Variants in ENDOD1 observed in about 807,000 individuals in gnomAD.
ENDOD1 encodes the protein endonuclease domain-containing 1 protein.
In ENDOD1, 9 loss-of-function variants were observed where a neutral mutation model predicts 6.5. The ratio of observed to expected loss-of-function variants is 1.39; its 90% CI spans 0.84 to 2.43. The LOEUF (loss-of-function observed/expected upper bound fraction) is 2.43, where lower values mean the gene tolerates loss of function less well. Among genes scored for constraint, ENDOD1 ranks in the 30% most tolerant of loss-of-function variants. ENDOD1 has a pLI of 0.00. For missense variants in ENDOD1, 648 were observed against 635.5 expected (o/e 1.02, Z -0.21); for synonymous variants, 255 against 255.2 (o/e 1.00, Z 0.01).
At chr11:95,115,370 C>A (rs1227514003) in intron 1 of ENDOD1, among the ~76,000 whole-genome samples, 2 of 146,600 alleles carry the variant, frequency 1.4e-5, no homozygotes, top group South Asian at 2.1e-4. Flanking sequence ...ATTTGTTTAT[C>A]CGTTCTACTA....
In ENDOD1 at chr11:95,128,486, C is replaced by T. The variant is rs1346222391; in HGVS notation, c.410C>T (p.Ser137Phe). The T allele has an allele frequency of 5.0e-6, 8 of 1,614,218 alleles. 1 individual carries two copies. In the South Asian group the frequency reaches 7.7e-5, roughly 16 times the overall value. Residue 137 changes from serine (S) to phenylalanine (F), a missense_variant, in exon 2 of 2, where the codon TCT becomes TTT. Transcript: ENST00000278505. The part of the protein sequence containing the change: ...KQALNTDYLD[S>F]DYQRGQLYPF... ...GCCTTGAATACAGATTACCTTGATT[C>T]TGATTACCAAAGAGGACAGCTTTAC...
intron 1 of ENDOD1, among the ~76,000 whole-genome samples, chr11:95,106,804 C>T (rs781877098): frequency 6.8e-6 from 1 of 146,152 alleles, no homozygotes; most frequent in Non-Finnish European, 1.5e-5. Flanking sequence ...TGTTTTTCAG[C>T]GTGAGGTTCA....
intron 1 of ENDOD1, among the ~76,000 whole-genome samples, chr11:95,125,562 T>A (rs1859303356): frequency 6.6e-6 from 1 of 151,964 alleles, no homozygotes; most frequent in South Asian, 2.1e-4. Context: ...CATTTAGCAT[T>A]AGGTATATCT....
chr11:95,108,491 CT>C, intron 1 of ENDOD1, among the ~76,000 whole-genome samples: 1 of 56,402 alleles, frequency 1.8e-5, no homozygotes, highest in African/African-American at 9.4e-5. Flanking sequence ...TTTCTCTTTT[CT>C]AAACACACAC....
rs1162312658 is a variant in ENDOD1 at position 95,130,430 on chromosome 11, A to G, written c.*851A>G. ...CTTAGTAGGTGCTGCAGATCCAAGG[A>G]CATCTTTTGTCCAGCTTGGATTAAC... On this transcript the variant is annotated 3_prime_UTR_variant, in exon 2 of 2. Transcript: ENST00000278505. 6.6e-6 allele frequency: 1 copy of G among 152,138 alleles called. No homozygotes were observed. Among genetic ancestry groups the G allele is most frequent in the Non-Finnish European group, 1.5e-5 (1 of 68,038 alleles). The allele number at this position is 152,138 out of a possible 1,614,324, so 9.4% of individuals were successfully genotyped here. A position where few individuals can be genotyped will look rare whatever the true frequency, so the allele number is the denominator to read the frequency against.
At chr11:95,103,072 A>G (rs535900420) in intron 1 of ENDOD1, among the ~76,000 whole-genome samples, 1 of 151,438 alleles carries the variant, frequency 6.6e-6, no homozygotes, top group African/African-American at 2.4e-5. Flanking sequence ...CCACAGTTAA[A>G]GAGGAAGCTA....
intron 1 of ENDOD1, among the ~76,000 whole-genome samples, chr11:95,101,022 A>G (rs956284037): frequency 1.6e-4 from 25 of 152,022 alleles, no homozygotes; most frequent in African/African-American, 5.8e-4. Flanking sequence ...ACTAGATTCT[A>G]AGTTCCCTGA....
rs927871175 is a variant in ENDOD1, at chr11:95,123,278, G to A, written c.301-5099G>A. 6.1e-5 allele frequency among the ~76,000 whole-genome samples: 9 copies of A among 146,658 alleles called. 1 individual carries two copies. The highest frequency in any genetic ancestry group is 1.9e-4 in the East Asian group (1 of 5,158). ...AAAGTGACTTCATAATGTAATGTCCGGTTTTTTTTTTTTGACAACTCCAAG... is the reference window on the plus strand; with the variant it reads ...AAAGTGACTTCATAATGTAATGTCCAGTTTTTTTTTTTTGACAACTCCAAG... On this transcript the variant is annotated intron_variant, in intron 1 of 1. Transcript: ENST00000278505.
chr11:95,095,529 C>T (rs995922551), intron 1 of ENDOD1, among the ~76,000 whole-genome samples: 2 of 49,116 alleles, frequency 4.1e-5, no homozygotes, highest in Non-Finnish European at 8.8e-5. Flanking sequence ...AAGGTATTTA[C>T]CTGCGTTGGC....
At position 95,095,020 on chromosome 11, in the gene ENDOD1, C is replaced by T. The variant is rs201038559; in HGVS notation, c.300+4793C>T. Among the ~76,000 whole-genome samples, 14 of 151,096 alleles carry T rather than the reference C, an allele frequency of 9.3e-5. No homozygotes were observed. In the East Asian group the frequency reaches 2.7e-3, roughly 29 times the overall value. ...TTAATATGTATATAAGGTGTTACTT[C>T]AGTAGGTGCTAGGCGTGTGCACGCA... On this transcript the variant is annotated intron_variant, in intron 1 of 1. Transcript: ENST00000278505.
chr11:95,122,164 A>G (rs967535794), intron 1 of ENDOD1, among the ~76,000 whole-genome samples: 6 of 151,930 alleles, frequency 3.9e-5, no homozygotes, highest in Non-Finnish European at 8.8e-5. Flanking sequence ...GTGACAATGT[A>G]TCAAAGAATA....
chr11:95,102,643 G>C (rs1310320428), intron 1 of ENDOD1, among the ~76,000 whole-genome samples: 1 of 152,102 alleles, frequency 6.6e-6, no homozygotes, highest in African/African-American at 2.4e-5. Flanking sequence ...CTGCACTCCA[G>C]CCTGGCTGAC....
intron 1 of ENDOD1, among the ~76,000 whole-genome samples, chr11:95,113,148 A>G (rs569794893): frequency 6.6e-6 from 1 of 152,150 alleles, no homozygotes; most frequent in African/African-American, 2.4e-5. Context: ...GGGTAACATG[A>G]GATATTTTGA....
Position 95,090,174 on chromosome 11 carries a change from G to T in ENDOD1, c.247G>T (p.Ala83Ser). Reference protein sequence around the residue: ...DRIPVYSAFRAPRPAPGGAEQ... With the variant: ...DRIPVYSAFRSPRPAPGGAEQ... Reference sequence around the variant, plus strand: ...CATCCCCGTGTACTCCGCGTTCCGCGCCCCGCGCCCTGCGCCCGGCGGCGC... The same window carrying T: ...CATCCCCGTGTACTCCGCGTTCCGCTCCCCGCGCCCTGCGCCCGGCGGCGC... Residue 83 changes from alanine (A) to serine (S), a missense_variant, in exon 1 of 2, where the codon GCC becomes TCC. Coordinates refer to ENST00000278505, the MANE Select transcript of ENDOD1 (RefSeq NM_015036.3). The T allele has an allele frequency of 7.0e-7, 1 of 1,433,620 alleles. No individual in the cohort carries two copies. The highest frequency in any genetic ancestry group is 9.3e-7 in the Non-Finnish European group (1 of 1,077,480). The allele number at this position is 1,433,620 out of a possible 1,614,324, so 88.8% of individuals were successfully genotyped here.
chr11:95,092,951 G>T (rs1476985176), intron 1 of ENDOD1, among the ~76,000 whole-genome samples: 3 of 152,218 alleles, frequency 2.0e-5, no homozygotes, highest in Non-Finnish European at 2.9e-5. Flanking sequence ...GGAGGAAGAG[G>T]CAGGAGACCA....
At chr11:95,119,666 G>A (rs1227860576) in intron 1 of ENDOD1, among the ~76,000 whole-genome samples, 1 of 152,150 alleles carries the variant, frequency 6.6e-6, no homozygotes, top group Non-Finnish European at 1.5e-5. Flanking sequence ...CCACTCCCTG[G>A]CTACTGCCTA....
intron 1 of ENDOD1, among the ~76,000 whole-genome samples, chr11:95,093,784 C>A (rs1399381812): frequency 3.9e-5 from 6 of 152,194 alleles, no homozygotes; most frequent in Non-Finnish European, 5.9e-5. Flanking sequence ...GCAACTGTTA[C>A]AAACATGCTC....
intron 1 of ENDOD1, among the ~76,000 whole-genome samples, chr11:95,127,865 T>G (rs932329101): frequency 4.6e-5 from 7 of 152,156 alleles, no homozygotes; most frequent in African/African-American, 1.7e-4. Context: ...GTTCAAGTGA[T>G]TCTCCTGCCT....
chr11:95,112,333 T>C (rs1859159284), intron 1 of ENDOD1, among the ~76,000 whole-genome samples: 1 of 152,244 alleles, frequency 6.6e-6, no homozygotes, highest in Non-Finnish European at 1.5e-5. Flanking sequence ...TGGCATGTAC[T>C]TAGGAGCTTT....
Sources: allele counts gnomAD v4.1 joint callset (sites outside exome capture counted in the v4.1 genomes callset), GRCh38; gene constraint gnomAD v4.1.1; transcripts MANE v1.5; gene names NCBI Gene and HGNC (gene_info 2026-07-23, HGNC 2026-07-21).